The following ABCA13 variants were observed in gnomAD, a reference collection of about 807,000 sequenced individuals.
ABCA13 encodes the protein ATP-binding cassette sub-family A member 13.
ABCA13 carries 476 observed loss-of-function variants against 478.7 expected under a neutral mutation model. The ratio of observed to expected loss-of-function variants is 0.99; its 90% CI spans 0.92 to 1.07. The LOEUF is 1.07. Ranked by LOEUF, ABCA13 falls within the 50% of genes least tolerant of loss-of-function variation. ABCA13 has a pLI of 0.00. For missense variants in ABCA13, 6,060 were observed against 5,910.6 expected (o/e 1.03, Z -0.83); for synonymous variants, 2,252 against 2,158.9 (o/e 1.04, Z -1.20).
chr7:48,568,263 G>A (rs935824159), intron 55 of ABCA13, among the ~76,000 whole-genome samples: 5 of 151,864 alleles, frequency 3.3e-5, no homozygotes, highest in African/African-American at 1.2e-4. Context: ...CATATAAATA[G>A]GTTCATACAA....
chr7:48,355,004 A>G (rs1809659741), intron 31 of ABCA13, among the ~76,000 whole-genome samples: 1 of 152,100 alleles, frequency 6.6e-6, no homozygotes, highest in Non-Finnish European at 1.5e-5. Flanking sequence ...TCTAGACTGA[A>G]TAAGTAAAGA....
chr7:48,470,001 C>G lies in ABCA13; in HGVS notation c.12906-1529C>G, dbSNP rs559262791. ...AGAGAACTATTTCACCCAGTGTGTC[C>G]AAACCTGAAGGACCAAATGACCCTC... On this transcript the variant is annotated intron_variant, in intron 44 of 61. Transcript: ENST00000435803. 3.9e-5 allele frequency among the ~76,000 whole-genome samples: 6 copies of G among 152,210 alleles called. No homozygotes were observed. In the South Asian group the frequency reaches 1.2e-3, roughly 32 times the overall value.
At position 48,273,799 on chromosome 7, in the gene ABCA13, T is replaced by A. The variant is rs1376379616; in HGVS notation, c.4133T>A (p.Leu1378Ter). The A allele has an allele frequency of 6.2e-7, 1 of 1,611,672 alleles. No homozygotes were observed. Among genetic ancestry groups the A allele is most frequent in the Admixed American group, 1.7e-5 (1 of 59,718 alleles). ...AGGATGTTACGTATTCTAGACACGT[T>A]AAATTCCACATTTTCCTCTGAGAAC... is the stretch of plus-strand genomic sequence containing the variant. ...SQRMLRILDTLNSTFSSENTI... is the reference protein window; with the variant it reads ...SQRMLRILDT The change falls in exon 17 of 62, where the codon TTA becomes TAA. Residue 1378 changes from leucine to a stop codon, truncating the protein, a stop_gained. Coordinates refer to ENST00000435803, the MANE Select transcript of ABCA13 (RefSeq NM_152701.5). LOFTEE classifies it high-confidence loss of function.
At chr7:48,430,449 G>C (rs1452775687) in intron 42 of ABCA13, among the ~76,000 whole-genome samples, 1 of 152,070 alleles carries the variant, frequency 6.6e-6, no homozygotes, top group African/African-American at 2.4e-5. Context: ...GCTGAGCTGG[G>C]TGGATCATGA....
intron 27 of ABCA13, among the ~76,000 whole-genome samples, chr7:48,331,930 A>G (rs1805470212): frequency 6.6e-6 from 1 of 152,160 alleles, no homozygotes; most frequent in Non-Finnish European, 1.5e-5. Flanking sequence ...CCTGCCAGCC[A>G]CCAATCAGGT....
intron 51 of ABCA13, among the ~76,000 whole-genome samples, chr7:48,515,198 C>T (rs1219532844): frequency 2.6e-5 from 4 of 152,098 alleles, no homozygotes; most frequent in Non-Finnish European, 2.9e-5. Context: ...AATTATTCAC[C>T]ATAAGAAAAC....
chr7:48,314,392 A>G lies in ABCA13; in HGVS notation c.9842A>G (p.Asn3281Ser), dbSNP rs1484707670. 7 of 1,593,950 alleles carry G rather than the reference A, an allele frequency of 4.4e-6. No homozygotes were observed. Among genetic ancestry groups the G allele is most frequent in the Middle Eastern group, 1.7e-4 (1 of 6,022 alleles). Residue 3281 changes from asparagine to serine, a missense_variant, in exon 26 of 62, where the codon AAC becomes AGC. Coordinates refer to ENST00000435803, the MANE Select transcript of ABCA13 (RefSeq NM_152701.5). ...ELLEDDKEKF[N>S]IPEDSTPFCL... Reference sequence around the variant, plus strand: ...TTGGAAGATGACAAAGAAAAATTCAACATTCCTGAAGATTCAAGTAAGACA... The same window carrying G: ...TTGGAAGATGACAAAGAAAAATTCAGCATTCCTGAAGATTCAAGTAAGACA...
At chr7:48,208,106 G>A (rs1785158899) in intron 3 of ABCA13, among the ~76,000 whole-genome samples, 1 of 151,924 alleles carries the variant, frequency 6.6e-6, no homozygotes, top group South Asian at 2.1e-4. Context: ...GGAATTTAAT[G>A]CTTGGATTTA....
intron 45 of ABCA13, among the ~76,000 whole-genome samples, chr7:48,473,974 T>C (rs989486564): frequency 1.8e-4 from 28 of 152,222 alleles, no homozygotes; most frequent in South Asian, 8.3e-4. Context: ...CTCTCCATGT[T>C]TCCCTCTTGG....
At chr7:48,552,361 T>C (rs1354839135) in intron 55 of ABCA13, among the ~76,000 whole-genome samples, 2 of 151,812 alleles carry the variant, frequency 1.3e-5, no homozygotes, top group Non-Finnish European at 2.9e-5. Flanking sequence ...TTTTAGAGGA[T>C]GTTGTTTTAC....
chr7:48,284,122 G>A (rs1031058819), intron 19 of ABCA13, among the ~76,000 whole-genome samples: 5 of 152,144 alleles, frequency 3.3e-5, no homozygotes, highest in Non-Finnish European at 7.4e-5. Flanking sequence ...GTAAAAACTG[G>A]TAATTTAGGG....
intron 55 of ABCA13, among the ~76,000 whole-genome samples, chr7:48,552,158 T>A (rs1785385445): frequency 6.6e-6 from 1 of 151,844 alleles, no homozygotes; most frequent in Non-Finnish European, 1.5e-5. Context: ...ATTAACCTGT[T>A]GTTCTCATTC....
At chr7:48,420,978 A>G (rs1820663518) in intron 41 of ABCA13, among the ~76,000 whole-genome samples, 1 of 152,128 alleles carries the variant, frequency 6.6e-6, no homozygotes, top group Non-Finnish European at 1.5e-5. Flanking sequence ...TATTTTGCAC[A>G]ATGAGCCTCA....
chr7:48,644,469 T>C (rs576274569), intron 60 of ABCA13, 148 bp from the exon 61 acceptor site: 19 of 844,638 alleles, frequency 2.2e-5, no homozygotes, highest in Non-Finnish European at 3.2e-5. Context: ...AAAATTGTCA[T>C]CAATAAGCAT....
At chr7:48,501,547 T>C (rs927041643) in intron 48 of ABCA13, among the ~76,000 whole-genome samples, 1 of 152,186 alleles carries the variant, frequency 6.6e-6, no homozygotes, top group Non-Finnish European at 1.5e-5. Context: ...CTCTGAATTA[T>C]TTATGAGTAA....
intron 24 of ABCA13, among the ~76,000 whole-genome samples, chr7:48,310,910 C>A (rs537344423): frequency 6.6e-6 from 1 of 152,272 alleles, no homozygotes; most frequent in African/African-American, 2.4e-5. Context: ...AGCTTCTCCT[C>A]CTTCTGGCCT....
chr7:48,474,662 T>C (rs534985301), intron 45 of ABCA13, among the ~76,000 whole-genome samples: 71 of 152,336 alleles, frequency 4.7e-4, no homozygotes, highest in African/African-American at 1.6e-3. Flanking sequence ...GAGGCTTATT[T>C]CTGAGGCCTT....
rs1368666135 is a variant in ABCA13, at chr7:48,298,410, G to T, written c.9244G>T (p.Glu3082Ter). The stretch of plus-strand genomic sequence containing the variant: ...GATGAAGAATATCACCAAGTTGACT[G>T]AGGAGCTTCGCTCTTCCATCCAAAT... ...DLMKNITKLT[E>*]ELRSSIQISN... The change falls in exon 23 of 62, where the codon GAG becomes TAG. Residue 3082 changes from glutamate to a stop codon, truncating the protein, a stop_gained. Coordinates refer to ENST00000435803, the MANE Select transcript of ABCA13 (RefSeq NM_152701.5). LOFTEE classifies it high-confidence loss of function. The T allele has an allele frequency of 6.2e-7, 1 of 1,612,584 alleles. No homozygotes were observed. The highest frequency in any genetic ancestry group is 1.3e-5 in the African/African-American group (1 of 75,010).
intron 58 of ABCA13, among the ~76,000 whole-genome samples, chr7:48,601,059 C>T (rs1790845689): frequency 6.6e-6 from 1 of 151,714 alleles, no homozygotes; most frequent in Non-Finnish European, 1.5e-5. Flanking sequence ...CTTTATTGAT[C>T]TATGTGTTCA....
Sources: gnomAD v4.1 joint callset for allele counts (sites outside exome capture counted in the v4.1 genomes callset) on GRCh38, gnomAD v4.1.1 for gene constraint, MANE v1.5 for transcripts, NCBI Gene and HGNC (gene_info 2026-07-23, HGNC 2026-07-21) for gene names.